Variants in BEND3 observed in about 807,000 individuals in gnomAD.
The protein encoded by BEND3 is BEN domain-containing protein 3.
BEND3 carries 13 observed loss-of-function variants against 60.1 expected under a neutral mutation model. The ratio of observed to expected loss-of-function variants is 0.22; its 90% CI spans 0.14 to 0.34. The LOEUF is 0.34. Among genes scored for constraint, BEND3 ranks in the 10% least tolerant of loss-of-function variants. BEND3 has a pLI of 1.00. For missense variants in BEND3, 896 were observed against 1,138.1 expected, an observed-to-expected ratio of 0.79 and a Z score of 3.06; for synonymous variants, 497 against 491.5, an observed-to-expected ratio of 1.01 and a Z score of -0.15.
Position 107,066,290 on chromosome 6 carries a change from A to T in BEND3, c.*2414T>A, listed in dbSNP as rs1288529555. ...CCACTGGAGCCACCTGTATGGATGG[A>T]GAAGTGAGGACACCATACAGACAGG... On this transcript the variant is annotated 3_prime_UTR_variant, in exon 4 of 4. Transcript: ENST00000369042. 2 of 152,338 alleles carry T rather than the reference A, an allele frequency of 1.3e-5. No individual in the cohort carries two copies. Among genetic ancestry groups the T allele is most frequent in the African/African-American group, 4.8e-5 (2 of 41,430 alleles). The allele number at this position is 152,338 out of a possible 1,614,324, so 9.4% of individuals were successfully genotyped here. A position where few individuals can be genotyped will look rare whatever the true frequency, so the allele number is the denominator to read the frequency against.
chr6:107,070,347 C>T lies in BEND3; in HGVS notation c.844G>A (p.Val282Met), dbSNP rs782613092. Reference sequence around the variant, plus strand: ...GCACTGCAGCCCCGGGAGAAGTCCACGTCGCTGAAGAGCTCGGGGAAGAGC... The same window carrying T: ...GCACTGCAGCCCCGGGAGAAGTCCATGTCGCTGAAGAGCTCGGGGAAGAGC... ...VQLFPELFSD[V>M]DFSRGCSACG... The change falls in exon 4 of 4, where the codon GTG becomes ATG. Residue 282 changes from valine to methionine, a missense_variant. By Grantham distance (21) the Val-to-Met change is conservative. Coordinates refer to ENST00000369042, the MANE Select transcript of BEND3 (RefSeq NM_001367314.1). This position sits in a 1 kb window ranked among gnomAD's most constrained non-coding sequence, Gnocchi z 6.9. 23 of 1,612,530 alleles carry T rather than the reference C, an allele frequency of 1.4e-5. No homozygotes were observed. Among genetic ancestry groups the T allele is most frequent in the Middle Eastern group, 1.6e-4 (1 of 6,074 alleles).
At chr6:107,113,450 A>C (rs1231988161) in intron 1 of BEND3, among the ~76,000 whole-genome samples, 6 of 117,922 alleles carry the variant, frequency 5.1e-5, no homozygotes, top group African/African-American at 1.9e-4. Flanking sequence ...AAAAAAAAAA[A>C]AAACAAAAAA....
Position 107,068,637 on chromosome 6 carries a change from C to T in BEND3, c.*67G>A. Reference sequence around the variant, plus strand: ...GCCATAGGCGTGCTCCCAAGTATTGCTCAGTCCCAAGGGTGCCCATCGCTC... The same window carrying T: ...GCCATAGGCGTGCTCCCAAGTATTGTTCAGTCCCAAGGGTGCCCATCGCTC... On this transcript the variant is annotated 3_prime_UTR_variant, in exon 4 of 4. Coordinates refer to ENST00000369042, the MANE Select transcript of BEND3 (RefSeq NM_001367314.1). This position sits in a 1 kb window ranked among gnomAD's most constrained non-coding sequence, Gnocchi z 5.8. The T allele has an allele frequency of 1.9e-6, 3 of 1,540,652 alleles. No individual in the cohort carries two copies. Among genetic ancestry groups the T allele is most frequent in the Admixed American group, 1.9e-5 (1 of 53,828 alleles).
rs1554239107 is a variant in BEND3, at chr6:107,115,111, T to TTGCC, written c.-37_-34dup. On this transcript the variant is annotated 5_prime_UTR_variant, in exon 1 of 4. Coordinates refer to ENST00000369042, the MANE Select transcript of BEND3 (RefSeq NM_001367314.1). ...TTACCTGGGACGCGAGTTCTGTACT[T>TTGCC]TGCCGGGCGGGCCCGCGCCGAGTTT... is the stretch of plus-strand genomic sequence containing the variant. The TTGCC allele has an allele frequency of 1.3e-5, 2 of 149,386 alleles. No homozygotes were observed. Among genetic ancestry groups the TTGCC allele is most frequent in the African/African-American group, 4.9e-5 (2 of 40,992 alleles). The allele number at this position is 149,386 out of a possible 1,614,324, so 9.3% of individuals were successfully genotyped here. A position where few individuals can be genotyped will look rare whatever the true frequency, so the allele number is the denominator to read the frequency against.
At chr6:107,096,582 A>C (rs1228875944) in intron 3 of BEND3, among the ~76,000 whole-genome samples, 1 of 152,108 alleles carries the variant, frequency 6.6e-6, no homozygotes, top group Non-Finnish European at 1.5e-5. Context: ...CTGCACTCCA[A>C]GCCTGGGCCA....
chr6:107,107,754 G>T (rs557317790), intron 1 of BEND3, among the ~76,000 whole-genome samples: 1 of 152,208 alleles, frequency 6.6e-6, no homozygotes, highest in African/African-American at 2.4e-5. Flanking sequence ...GAGCCATCCC[G>T]CCCAGCCTAA....
chr6:107,106,311 G>C (rs1775812444), intron 1 of BEND3: 1 of 152,242 alleles, frequency 6.6e-6, no homozygotes, highest in African/African-American at 2.4e-5. Context: ...GCTGCCCAAG[G>C]GATGCAGCTG....
At position 107,070,800 on chromosome 6, in the gene BEND3, G is replaced by A. The variant is rs1554231931; in HGVS notation, c.391C>T (p.Leu131=). The A allele has an allele frequency of 3.7e-6, 6 of 1,614,142 alleles. No homozygotes were observed. The highest frequency in any genetic ancestry group is 5.1e-6 in the Non-Finnish European group (6 of 1,180,036). ...DATTPSYKKP[L]YGISHKIMEK... The stretch of plus-strand genomic sequence containing the variant: ...ATGATCTTGTGCGAGATGCCATACA[G>A]AGGCTTCTTGTAGGAAGGGGTGGTG... The change falls in exon 4 of 4, where the codon CTG becomes TTG. Residue 131 remains leucine (L), a synonymous_variant. Coordinates refer to ENST00000369042, the MANE Select transcript of BEND3 (RefSeq NM_001367314.1). This position sits in a 1 kb window ranked among gnomAD's most constrained non-coding sequence, Gnocchi z 6.9.
At chr6:107,105,982 T>C (rs549065430) in intron 1 of BEND3, 8 of 152,348 alleles carry the variant, frequency 5.3e-5, no homozygotes, top group Middle Eastern at 3.4e-3. Context: ...GTGTGGCCCC[T>C]GCCACACACA....
rs782801800 is a variant in BEND3, at chr6:107,070,333, C to T, written c.858G>A (p.Arg286=). The change falls in exon 4 of 4, where the codon CGG becomes CGA. Residue 286 remains arginine, a synonymous_variant. Coordinates refer to ENST00000369042, the MANE Select transcript of BEND3 (RefSeq NM_001367314.1). This position sits in a 1 kb window ranked among gnomAD's most constrained non-coding sequence, Gnocchi z 6.9. ...CCGCAAAGCCACAGGCACTGCAGCC[C>T]CGGGAGAAGTCCACGTCGCTGAAGA... is the stretch of plus-strand genomic sequence containing the variant. ...PELFSDVDFS[R]GCSACGFAAK... The T allele has an allele frequency of 8.7e-6, 14 of 1,612,844 alleles. No homozygotes were observed. In the South Asian group the frequency reaches 1.5e-4, roughly 18 times the overall value.
In BEND3 at chr6:107,069,219, G is replaced by A. The variant is rs782199852; in HGVS notation, c.1972C>T (p.Arg658Cys). 8 of 1,612,180 alleles carry A rather than the reference G, an allele frequency of 5.0e-6. No individual in the cohort carries two copies. The highest frequency in any genetic ancestry group is 4.0e-5 in the African/African-American group (3 of 74,908). The part of the protein sequence containing the change: ...TEQRRSYQQQ[R>C]KVHVPGPECR... ...TCAGGGCCCGGCACGTGGACCTTGC[G>A]CTGCTGCTGGTAGGAGCGCCTTTGC... Residue 658 changes from arginine (R) to cysteine (C), a missense_variant, in exon 4 of 4, where the codon CGC becomes TGC. By Grantham distance (180) the Arg-to-Cys change is radical (BLOSUM62 -3). This residue lies in a region of BEND3 where 846 missense variants were observed against 1,036.7 expected (regional missense o/e 0.82). Coordinates refer to ENST00000369042, the MANE Select transcript of BEND3 (RefSeq NM_001367314.1).
At chr6:107,099,625 T>G (rs1162297326) in intron 1 of BEND3, among the ~76,000 whole-genome samples, 1 of 152,170 alleles carries the variant, frequency 6.6e-6, no homozygotes, top group African/African-American at 2.4e-5. Flanking sequence ...ATTATCTCTT[T>G]TAAGTCCATG....
chr6:107,087,799 T>C (rs1314964458), intron 3 of BEND3, among the ~76,000 whole-genome samples: 3 of 148,190 alleles, frequency 2.0e-5, no homozygotes, highest in Non-Finnish European at 3.0e-5. Flanking sequence ...ATACTTTTTT[T>C]TTTTTTTTTT....
chr6:107,103,374 G>A (rs1775740283), intron 1 of BEND3, among the ~76,000 whole-genome samples: 1 of 152,108 alleles, frequency 6.6e-6, no homozygotes, highest in African/African-American at 2.4e-5. Context: ...CATTCCTCTC[G>A]CCTACCTGAC....
At chr6:107,099,381 C>T in intron 1 of BEND3, 85 bp from the exon 2 acceptor site, 1 of 1,165,734 alleles carries the variant, frequency 8.6e-7, no homozygotes, top group South Asian at 1.3e-5. Context: ...TCCTCTTACC[C>T]TCCCAACCCC....
chr6:107,084,345 A>C (rs1274935348), intron 3 of BEND3, among the ~76,000 whole-genome samples: 1 of 152,256 alleles, frequency 6.6e-6, no homozygotes, highest in African/African-American at 2.4e-5. Flanking sequence ...CTGAGAGGTG[A>C]AGCCAGCTGG....
At chr6:107,109,643 G>A (rs1775899409) in intron 1 of BEND3, among the ~76,000 whole-genome samples, 1 of 151,852 alleles carries the variant, frequency 6.6e-6, no homozygotes, top group South Asian at 2.1e-4. Context: ...GGAGGCTGAG[G>A]CGGACGGATC....
intron 1 of BEND3, among the ~76,000 whole-genome samples, chr6:107,111,099 T>C (rs1455319378): frequency 2.6e-5 from 4 of 152,042 alleles, no homozygotes; most frequent in Non-Finnish European, 5.9e-5. Context: ...CGGGAGTCAG[T>C]GGTTGCAATG....
intron 1 of BEND3, among the ~76,000 whole-genome samples, chr6:107,107,321 A>C (rs1231471817): frequency 3.3e-5 from 5 of 151,786 alleles, no homozygotes; most frequent in Admixed American, 3.3e-4. Context: ...GTATTCTGTA[A>C]TAGGAGCTGG....
Sources: gnomAD v4.1 joint callset for allele counts (sites outside exome capture counted in the v4.1 genomes callset) on GRCh38, gnomAD v4.1.1 for gene constraint, gnomAD v4.1.1 regional missense constraint, Gnocchi (gnomAD v3.1) non-coding constraint, MANE v1.5 for transcripts, NCBI Gene and HGNC (gene_info 2026-07-23, HGNC 2026-07-21) for gene names.